The following TRDMT1 variants were observed in gnomAD, a reference collection of about 807,000 sequenced individuals.
The protein encoded by TRDMT1 is tRNA aspartic acid methyltransferase 1.
A neutral mutation model predicts 51.2 loss-of-function variants in TRDMT1; 49 were observed. The observed-to-expected ratio is 0.96, with a 90% CI of 0.76 to 1.21. The LOEUF (loss-of-function observed/expected upper bound fraction) is 1.21. Among genes scored for constraint, TRDMT1 ranks in the 50% most tolerant of loss-of-function variants. The probability of loss-of-function intolerance (pLI) is 0.00; values close to 1 mark genes in which losing one functional copy is unlikely to be tolerated. For missense variants in TRDMT1, 534 were observed against 462.3 expected, an observed-to-expected ratio of 1.16 and a Z score of -1.42; for synonymous variants, 187 against 164.6, an observed-to-expected ratio of 1.14 and a Z score of -1.04.
Position 17,183,894 on chromosome 10 carries a change from T to G in TRDMT1, c.65-9234A>C, listed in dbSNP as rs139925939. On this transcript the variant is annotated intron_variant, in intron 1 of 10. Transcript: ENST00000377799. ...AAGGCATGCCAATTGTGCTGTGACC[T>G]GTCACAGGCACATACACACCAGTAA... 4.3e-3 allele frequency among the ~76,000 whole-genome samples: 651 copies of G among 152,252 alleles called. 2 individuals are homozygous for G. Among genetic ancestry groups the G allele is most frequent in the Non-Finnish European group, 6.9e-3 (470 of 67,990 alleles).
chr10:17,182,860 T>C (rs1393230667), intron 1 of TRDMT1, among the ~76,000 whole-genome samples: 2 of 152,186 alleles, frequency 1.3e-5, no homozygotes, highest in Non-Finnish European at 2.9e-5. Flanking sequence ...AAATTTTAAA[T>C]GATCGATAAA....
rs545635441 is a variant in TRDMT1, at chr10:17,154,990, C to T, written c.888-256G>A. Among the ~76,000 whole-genome samples, 230 of 135,826 alleles carry T rather than the reference C, an allele frequency of 1.7e-3. 1 individual carries two copies. Among genetic ancestry groups the T allele is most frequent in the African/African-American group, 5.9e-3 (220 of 37,162 alleles). 89.1% of individuals were successfully genotyped at this position (135,826 alleles called of 152,430 possible). A position where few individuals can be genotyped will look rare whatever the true frequency, so the allele number is the denominator to read the frequency against. ...ATCCCAGCACTTTGGGAGGCCCAGG[C>T]GGGTGGATCACCTGAGGTCAGAGGA... is the stretch of plus-strand genomic sequence containing the variant. On this transcript the variant is annotated intron_variant, in intron 8 of 10. Coordinates refer to ENST00000377799, the MANE Select transcript of TRDMT1 (RefSeq NM_004412.7).
intron 2 of TRDMT1, among the ~76,000 whole-genome samples, chr10:17,170,734 A>C (rs1841852331): frequency 1.3e-5 from 2 of 152,168 alleles, no homozygotes; most frequent in Non-Finnish European, 2.9e-5. Context: ...TTTAACTCCC[A>C]TGTGAGTTAT....
chr10:17,151,330 T>G (rs1028592185), intron 10 of TRDMT1: 1 of 985,266 alleles, frequency 1.0e-6, no homozygotes, highest in Non-Finnish European at 1.2e-6. Flanking sequence ...AAGGTCAAGA[T>G]ATCAGCTTTC....
intron 5 of TRDMT1, among the ~76,000 whole-genome samples, chr10:17,161,004 G>C (rs1390977354): frequency 1.3e-5 from 2 of 152,230 alleles, no homozygotes; most frequent in East Asian, 3.9e-4. Flanking sequence ...CTTCAAGGTG[G>C]CCAGTCAGAT....
chr10:17,168,180 T>G (rs962961742), intron 3 of TRDMT1, among the ~76,000 whole-genome samples: 4 of 151,964 alleles, frequency 2.6e-5, no homozygotes, highest in Non-Finnish European at 5.9e-5. Context: ...GTACATACCT[T>G]TAGTCCCAGC....
At chr10:17,183,435 T>G (rs1843518275) in intron 1 of TRDMT1, among the ~76,000 whole-genome samples, 1 of 152,196 alleles carries the variant, frequency 6.6e-6, no homozygotes, top group Admixed American at 6.5e-5. Context: ...GTTACTTTTT[T>G]GAGATGGACT....
chr10:17,152,065 C>G (rs1173519393), intron 10 of TRDMT1: 2 of 1,301,528 alleles, frequency 1.5e-6, no homozygotes, highest in Non-Finnish European at 1.0e-6. Flanking sequence ...TAGTTAATCT[C>G]TTTTCTGTCT....
At chr10:17,155,754 A>T (rs1839409015) in intron 8 of TRDMT1, among the ~76,000 whole-genome samples, 1 of 152,200 alleles carries the variant, frequency 6.6e-6, no homozygotes, top group Non-Finnish European at 1.5e-5. Flanking sequence ...AGAGGGAAAA[A>T]GTCAAACCAG....
At chr10:17,194,949 CA>C (rs1157484978) in intron 1 of TRDMT1, among the ~76,000 whole-genome samples, 7,254 of 85,182 alleles carry the variant, frequency 0.085, 416 homozygotes, top group African/African-American at 0.2. Flanking sequence ...AAAAAAAAGT[CA>C]AAAAAAAAAA....
intron 5 of TRDMT1, among the ~76,000 whole-genome samples, chr10:17,161,146 TC>T (rs1840299077): frequency 1.3e-5 from 2 of 152,170 alleles, no homozygotes; most frequent in South Asian, 4.1e-4. Context: ...AAAATACTTG[TC>T]AACAGGACCA....
intron 1 of TRDMT1, among the ~76,000 whole-genome samples, chr10:17,197,888 G>A (rs1483372936): frequency 1.3e-5 from 2 of 152,068 alleles, no homozygotes; most frequent in African/African-American, 4.8e-5. Flanking sequence ...CAAAAAATTA[G>A]CCAGGCATGG....
intron 3 of TRDMT1, among the ~76,000 whole-genome samples, chr10:17,163,241 A>C (rs1840676222): frequency 6.6e-6 from 1 of 152,190 alleles, no homozygotes; most frequent in African/African-American, 2.4e-5. Flanking sequence ...AAAGATTCAC[A>C]ACATGACCAA....
In TRDMT1 at chr10:17,146,803, C is replaced by T. The variant is rs939004422; in HGVS notation, c.*2237G>A. ...ATTATTACCAAAAGCATATAGCAGA[C>T]ATTCCATAAAATAACATTTTCCAAA... is the stretch of plus-strand genomic sequence containing the variant. On this transcript the variant is annotated 3_prime_UTR_variant, in exon 11 of 11. Transcript: ENST00000377799. 1.2e-5 allele frequency: 12 copies of T among 985,392 alleles called. No individual in the cohort carries two copies. The highest frequency in any genetic ancestry group is 1.1e-4 in the East Asian group (1 of 8,818). The allele number at this position is 985,392 out of a possible 1,614,324, so 61.0% of individuals were successfully genotyped here. A position where few individuals can be genotyped will look rare whatever the true frequency, so the allele number is the denominator to read the frequency against.
chr10:17,188,857 G>A (rs1009978570), intron 1 of TRDMT1, among the ~76,000 whole-genome samples: 6 of 152,120 alleles, frequency 3.9e-5, no homozygotes, highest in Non-Finnish European at 5.9e-5. Flanking sequence ...CTACTGTATT[G>A]CTTTATAAAG....
At chr10:17,188,732 G>A (rs1844282519) in intron 1 of TRDMT1, among the ~76,000 whole-genome samples, 1 of 152,146 alleles carries the variant, frequency 6.6e-6, no homozygotes, top group Non-Finnish European at 1.5e-5. Flanking sequence ...CTTTCCTTCA[G>A]TCAGAGTTAC....
intron 1 of TRDMT1, among the ~76,000 whole-genome samples, chr10:17,185,609 T>C (rs1264397505): frequency 1.3e-5 from 2 of 152,160 alleles, no homozygotes; most frequent in Non-Finnish European, 2.9e-5. Context: ...CATGCACACG[T>C]ATGTTTATTG....
chr10:17,190,749 T>A (rs907004769), intron 1 of TRDMT1, among the ~76,000 whole-genome samples: 9 of 152,240 alleles, frequency 5.9e-5, no homozygotes, highest in African/African-American at 1.9e-4. Context: ...ACAGCAAGCA[T>A]GCCTATAGTT....
chr10:17,181,912 T>TG (rs1843328060), intron 1 of TRDMT1, among the ~76,000 whole-genome samples: 2 of 152,100 alleles, frequency 1.3e-5, no homozygotes, highest in Non-Finnish European at 1.5e-5. Context: ...AGATTTTCTT[T>TG]GGGGGAAACT....
Sources: gnomAD v4.1 joint callset for allele counts (sites outside exome capture counted in the v4.1 genomes callset) on GRCh38, gnomAD v4.1.1 for gene constraint, MANE v1.5 for transcripts, NCBI Gene and HGNC (gene_info 2026-07-23, HGNC 2026-07-21) for gene names.